The following RBM47 variants were observed in gnomAD, a reference collection of about 807,000 sequenced individuals.
RBM47 encodes RNA-binding protein 47.
RBM47 carries 21 observed loss-of-function variants against 47.1 expected under a neutral mutation model. The observed-to-expected ratio is 0.45, with a 90% confidence interval of 0.32 to 0.64. RBM47 has a LOEUF of 0.64. Among genes scored for constraint, RBM47 ranks in the 30% least tolerant of loss-of-function variants. The probability of loss-of-function intolerance (pLI) is 0.05; values close to 1 mark genes in which losing one functional copy is unlikely to be tolerated. For missense variants in RBM47, 708 were observed against 870.9 expected (o/e 0.81, Z 2.35); for synonymous variants, 375 against 361.7 (o/e 1.04, Z -0.42).
chr4:40,538,800 A>AT (rs932037810), intron 2 of RBM47, among the ~76,000 whole-genome samples: 2 of 151,128 alleles, frequency 1.3e-5, no homozygotes, highest in Non-Finnish European at 1.5e-5. Flanking sequence ...CACCCAGCTA[A>AT]TTTTTTTGTA....
At chr4:40,538,187 A>AG (rs900973930) in intron 2 of RBM47, among the ~76,000 whole-genome samples, 1 of 152,198 alleles carries the variant, frequency 6.6e-6, no homozygotes, top group Non-Finnish European at 1.5e-5. Context: ...AGGAAAGAAA[A>AG]GGGAGAGGTC....
chr4:40,436,952 A>C (rs1382299429), intron 4 of RBM47: 4 of 482,048 alleles, frequency 8.3e-6, no homozygotes, highest in Admixed American at 2.3e-5. Flanking sequence ...CCAAAAAAAA[A>C]ACTGTGGCCA....
chr4:40,560,194 A>C (rs550786499), intron 1 of RBM47, among the ~76,000 whole-genome samples: 1 of 152,294 alleles, frequency 6.6e-6, no homozygotes, highest in Admixed American at 6.5e-5. Context: ...CTGACAGTTA[A>C]AGGTTTCACT....
chr4:40,426,578 T>G (rs1577583011), intron 6 of RBM47, among the ~76,000 whole-genome samples: 1 of 152,302 alleles, frequency 6.6e-6, no homozygotes, highest in African/African-American at 2.4e-5. Context: ...CTCACTATGT[T>G]GCCCAGGGCT....
intron 3 of RBM47, among the ~76,000 whole-genome samples, chr4:40,448,278 T>A (rs34191861): frequency 0.075 from 11,258 of 150,966 alleles, 837 homozygotes; most frequent in East Asian, 0.37. Context: ...TGTGTGTGTG[T>A]GAGTGTGAGT....
chr4:40,471,747 T>G (rs959871764), intron 2 of RBM47, among the ~76,000 whole-genome samples: 5 of 150,202 alleles, frequency 3.3e-5, no homozygotes, highest in African/African-American at 1.2e-4. Flanking sequence ...ACCCCTACAC[T>G]CTCCTCCCAT....
chr4:40,596,757 G>A (rs1034474285), intron 1 of RBM47, among the ~76,000 whole-genome samples: 24 of 152,000 alleles, frequency 1.6e-4, no homozygotes, highest in Non-Finnish European at 3.1e-4. Context: ...GAAAAAGGAC[G>A]TCCTTGGGAA....
intron 1 of RBM47, among the ~76,000 whole-genome samples, chr4:40,564,961 G>A (rs1272821194): frequency 6.6e-6 from 1 of 152,218 alleles, no homozygotes; most frequent in Non-Finnish European, 1.5e-5. Flanking sequence ...TGAAGGCCTA[G>A]AAGGAGGGCT....
intron 2 of RBM47, among the ~76,000 whole-genome samples, chr4:40,531,459 G>C (rs1727379710): frequency 6.6e-6 from 1 of 151,978 alleles, no homozygotes; most frequent in Non-Finnish European, 1.5e-5. Flanking sequence ...TGTGGTTGGA[G>C]ATAAGGGGAT....
chr4:40,620,837 CT>C (rs941195689), intron 1 of RBM47, among the ~76,000 whole-genome samples: 97 of 152,210 alleles, frequency 6.4e-4, no homozygotes, highest in African/African-American at 2.3e-3. Flanking sequence ...CCCGGCCCCC[CT>C]ATTCATTTCT....
intron 2 of RBM47, among the ~76,000 whole-genome samples, chr4:40,490,673 C>T (rs1721747442): frequency 6.6e-6 from 1 of 151,754 alleles, no homozygotes; most frequent in South Asian, 2.1e-4. Context: ...ATCACTTGAA[C>T]CCGGGAGGCG....
At chr4:40,616,109 T>C (rs1358275132) in intron 1 of RBM47, among the ~76,000 whole-genome samples, 1 of 152,128 alleles carries the variant, frequency 6.6e-6, no homozygotes, top group Non-Finnish European at 1.5e-5. Flanking sequence ...TCCCAGCACT[T>C]TGGGAGGCCG....
chr4:40,530,902 C>A (rs115476151), intron 2 of RBM47, among the ~76,000 whole-genome samples: 1 of 152,068 alleles, frequency 6.6e-6, no homozygotes, highest in African/African-American at 2.4e-5. Flanking sequence ...GAGTTGGGGA[C>A]CAGCTTGGGC....
intron 2 of RBM47, among the ~76,000 whole-genome samples, chr4:40,470,221 C>G (rs946042150): frequency 6.6e-6 from 1 of 152,098 alleles, no homozygotes; most frequent in African/African-American, 2.4e-5. Context: ...CCAGCTCCCC[C>G]CGCCCCCCAG....
rs551761484 is a variant in RBM47 at position 40,545,206 on chromosome 4, C to T, written c.-239-700G>A. 6.8e-3 allele frequency among the ~76,000 whole-genome samples: 1,028 copies of T among 151,518 alleles called. 7 individuals are homozygous for T. Among genetic ancestry groups the T allele is most frequent in the African/African-American group, 0.024 (981 of 41,428 alleles). On this transcript the variant is annotated intron_variant, in intron 1 of 6. Coordinates refer to ENST00000295971, the MANE Select transcript of RBM47 (RefSeq NM_001098634.2). ...AGCTGGGATTACAGGCATGCCCCAC[C>T]ATGCCCAGCTAATGTTTTGTATTTT...
At chr4:40,596,272 G>A (rs150693318) in intron 1 of RBM47, among the ~76,000 whole-genome samples, 16 of 152,346 alleles carry the variant, frequency 1.1e-4, no homozygotes, top group African/African-American at 3.6e-4. Context: ...TCCGTGGATA[G>A]AGGTGGGAGG....
intron 2 of RBM47, among the ~76,000 whole-genome samples, chr4:40,480,625 C>G (rs1190990666): frequency 6.6e-6 from 1 of 152,138 alleles, no homozygotes. Context: ...GCCACAAAAT[C>G]TAATTTGAAT....
chr4:40,457,422 C>CA (rs35497838), intron 3 of RBM47, among the ~76,000 whole-genome samples: 26,229 of 111,326 alleles, frequency 0.24, 2,828 homozygotes, highest in Middle Eastern at 0.32. Context: ...GACTCCATCT[C>CA]AAAAAAAAAA....
rs769913096 is a variant in RBM47 at position 40,438,002 on chromosome 4, T to G, written c.892A>C (p.Met298Leu). Residue 298 changes from methionine (M) to leucine (L), a missense_variant, in exon 4 of 7, where the codon ATG (methionine) becomes CTG (leucine). Transcript: ENST00000295971. ...AGCTCAGTGCCGTTGAGGTTGTTCA[T>G]GGCATGCACGGCATCCTCGCGGCTG... ...FTSREDAVHA[M>L]NNLNGTELEG... The G allele has an allele frequency of 1.5e-5, 25 of 1,613,712 alleles. No individual in the cohort carries two copies. The highest frequency in any genetic ancestry group is 2.1e-5 in the Non-Finnish European group (25 of 1,180,026).
Sources: allele counts gnomAD v4.1 joint callset (sites outside exome capture counted in the v4.1 genomes callset), GRCh38; gene constraint gnomAD v4.1.1; transcripts MANE v1.5; gene names NCBI Gene and HGNC (gene_info 2026-07-23, HGNC 2026-07-21).